The following LYPLAL1 variants were observed in gnomAD, a reference collection of about 807,000 sequenced individuals.
The protein encoded by LYPLAL1 is lysophospholipase-like protein 1.
A neutral mutation model predicts 19.7 loss-of-function variants in LYPLAL1; 23 were observed. That is an observed-to-expected ratio of 1.17 (90% CI 0.84 to 1.65). The LOEUF (loss-of-function observed/expected upper bound fraction) is 1.65, where lower values mean the gene tolerates loss of function less well. LYPLAL1 is among the 40% of genes most tolerant of loss of function. LYPLAL1 has a pLI of 0.00. For missense variants in LYPLAL1, 355 were observed against 279.4 expected (o/e 1.27, Z -1.93); for synonymous variants, 119 against 96.3 (o/e 1.24, Z -1.38).
the LYPLAL1 span, among the ~76,000 whole-genome samples, chr1:219,424,073 A>G: frequency 6.6e-6 from 1 of 150,380 alleles, no homozygotes; most frequent in African/African-American, 2.4e-5. Context: ...AGGCACATTT[A>G]TACAGAAAAT....
At chr1:219,399,102 G>A in the LYPLAL1 span, among the ~76,000 whole-genome samples, 1 of 152,226 alleles carries the variant, frequency 6.6e-6, no homozygotes, top group Admixed American at 6.5e-5. Flanking sequence ...GCTAGTGGGT[G>A]TGGGGGTGCC....
chr1:219,441,097 AAAACAATGTGTTTAAAAAAC>A, the LYPLAL1 span, among the ~76,000 whole-genome samples: 1 of 152,234 alleles, frequency 6.6e-6, no homozygotes, highest in African/African-American at 2.4e-5. Context: ...ATTCTACAGG[AAAACAATGTGTTTAAAAAAC>A]AAAAGAGTAA....
chr1:219,224,187 A>G, the LYPLAL1 span, among the ~76,000 whole-genome samples: 1 of 152,180 alleles, frequency 6.6e-6, no homozygotes, highest in Non-Finnish European at 1.5e-5. Context: ...CGATTATGTA[A>G]CAAGAAAGAA....
intron 3 of LYPLAL1, among the ~76,000 whole-genome samples, chr1:219,200,984 A>G (rs1658050874): frequency 6.6e-6 from 1 of 152,200 alleles, no homozygotes; most frequent in African/African-American, 2.4e-5. Context: ...CGATTCTTAC[A>G]TTTAGCTGAA....
At chr1:219,299,267 T>C in the LYPLAL1 span, among the ~76,000 whole-genome samples, 2 of 151,966 alleles carry the variant, frequency 1.3e-5, no homozygotes, top group Non-Finnish European at 2.9e-5. Context: ...GATAACCAAT[T>C]GGAAGCAGCC....
At chr1:219,441,051 C>T in the LYPLAL1 span, among the ~76,000 whole-genome samples, 5 of 152,026 alleles carry the variant, frequency 3.3e-5, no homozygotes, top group Admixed American at 3.3e-4. Flanking sequence ...ATACGTGAAA[C>T]CACAAGGATC....
the LYPLAL1 span, among the ~76,000 whole-genome samples, chr1:219,445,408 TG>T: frequency 0.01 from 561 of 55,674 alleles, 6 homozygotes; most frequent in Middle Eastern, 0.013. Flanking sequence ...TTATTCAAAT[TG>T]GGGGGGGGGC....
At chr1:219,419,434 A>G in the LYPLAL1 span, among the ~76,000 whole-genome samples, 1 of 151,728 alleles carries the variant, frequency 6.6e-6, no homozygotes, top group Non-Finnish European at 1.5e-5. Flanking sequence ...TGGCCTTGAT[A>G]CCTCCTCTTC....
At chr1:219,210,356 C>T (rs41304097) in intron 3 of LYPLAL1, 176 bp from the exon 4 acceptor site, 1 of 423,132 alleles carries the variant, frequency 2.4e-6, no homozygotes, top group Non-Finnish European at 4.2e-6. Flanking sequence ...ATAGAGGGAA[C>T]AGGGTTATTT....
At chr1:219,390,382 A>T in the LYPLAL1 span, among the ~76,000 whole-genome samples, 1 of 152,140 alleles carries the variant, frequency 6.6e-6, no homozygotes, top group African/African-American at 2.4e-5. Context: ...CTCTCTAAAA[A>T]TCTCATTAAA....
the LYPLAL1 span, among the ~76,000 whole-genome samples, chr1:219,380,436 A>C: frequency 6.6e-6 from 1 of 152,110 alleles, no homozygotes; most frequent in Non-Finnish European, 1.5e-5. Context: ...CTGGGGAGGG[A>C]GGGCTGTGTT....
the LYPLAL1 span, among the ~76,000 whole-genome samples, chr1:219,290,069 A>T: frequency 6.6e-6 from 1 of 152,308 alleles, no homozygotes; most frequent in African/African-American, 2.4e-5. Flanking sequence ...ATGCCAGGAG[A>T]CTGAGAAATG....
chr1:219,177,765 C>G (rs899634567), intron 1 of LYPLAL1, among the ~76,000 whole-genome samples: 1 of 152,198 alleles, frequency 6.6e-6, no homozygotes, highest in Non-Finnish European at 1.5e-5. Flanking sequence ...TGTACATCTA[C>G]TTTTGCTCTC....
Position 219,210,535 on chromosome 1 carries a change from G to A in LYPLAL1, c.365G>A (p.Gly122Glu). 1 of 1,578,512 alleles carries A rather than the reference G, an allele frequency of 6.3e-7. No individual in the cohort carries two copies. Among genetic ancestry groups the A allele is most frequent in the Non-Finnish European group, 8.6e-7 (1 of 1,159,948 alleles). Residue 122 changes from glycine (G) to glutamate (E), a missense_variant, in exon 4 of 5, where the codon GGA becomes GAA. Gly to Glu is a moderately conservative substitution (Grantham distance 98). Transcript: ENST00000366928. ...TTAAGTATGTTTTTGTTTTTAGGAGGATTCTCTATGGGAGGATGCATGGCA... is the reference window on the plus strand; with the variant it reads ...TTAAGTATGTTTTTGTTTTTAGGAGAATTCTCTATGGGAGGATGCATGGCA... Reference protein sequence around the residue: ...GIKKNRILIGGFSMGGCMAIH... With the variant: ...GIKKNRILIGEFSMGGCMAIH...
At chr1:219,248,151 T>C in the LYPLAL1 span, among the ~76,000 whole-genome samples, 1 of 152,316 alleles carries the variant, frequency 6.6e-6, no homozygotes, top group South Asian at 2.1e-4. Context: ...CATTGAAGTT[T>C]TAAGAGTCAA....
chr1:219,342,755 G>A, the LYPLAL1 span, among the ~76,000 whole-genome samples: 2 of 152,122 alleles, frequency 1.3e-5, no homozygotes, highest in African/African-American at 4.8e-5. Flanking sequence ...GATTTGTGTT[G>A]AAACTAGATT....
At chr1:219,309,983 G>T in the LYPLAL1 span, among the ~76,000 whole-genome samples, 49,260 of 151,954 alleles carry the variant, frequency 0.32, 8,725 homozygotes, top group Non-Finnish European at 0.4. Context: ...ACACTGAACT[G>T]GTTACATTTC....
chr1:219,384,587 G>A, the LYPLAL1 span, among the ~76,000 whole-genome samples: 11 of 152,068 alleles, frequency 7.2e-5, no homozygotes, highest in East Asian at 5.8e-4. Flanking sequence ...AAATTAGGTC[G>A]GATGTCTGAT....
the LYPLAL1 span, among the ~76,000 whole-genome samples, chr1:219,304,637 T>C: frequency 6.6e-6 from 1 of 152,152 alleles, no homozygotes; most frequent in East Asian, 1.9e-4. Context: ...TCCAAAAATA[T>C]AAAGTCGTGT....
Sources: gnomAD v4.1 joint callset for allele counts (sites outside exome capture counted in the v4.1 genomes callset) on GRCh38, gnomAD v4.1.1 for gene constraint, MANE v1.5 for transcripts, NCBI Gene and HGNC (gene_info 2026-07-23, HGNC 2026-07-21) for gene names.